Variants in SGMS1 observed in about 807,000 individuals in gnomAD.
The protein encoded by SGMS1 is phosphatidylcholine:ceramide cholinephosphotransferase 1.
In SGMS1, 13 loss-of-function variants were observed where a neutral mutation model predicts 46.2. The ratio of observed to expected loss-of-function variants is 0.28; its 90% CI spans 0.18 to 0.45. The LOEUF is 0.45. Ranked by LOEUF, SGMS1 falls within the 20% of genes least tolerant of loss-of-function variation. SGMS1 has a pLI of 1.00. For synonymous variants in SGMS1, 203 were observed against 187.8 expected (o/e 1.08, Z -0.66); for missense variants, 324 against 519.9 (o/e 0.62, Z 3.66).
intron 3 of SGMS1, among the ~76,000 whole-genome samples, chr10:50,485,815 A>T (rs1417571151): frequency 2.0e-5 from 3 of 152,078 alleles, no homozygotes; most frequent in Non-Finnish European, 1.5e-5. Context: ...CATGAGAATC[A>T]CTTGAGCCCA....
At position 50,341,409 on chromosome 10, in the gene SGMS1, C is replaced by T. The variant is rs370726766; in HGVS notation, c.623+2083G>A. On this transcript the variant is annotated intron_variant, in intron 7 of 10. Transcript: ENST00000361781. ...TGGACGATGCTTAGGAAGATCATGA[C>T]GACTCTGCTTTCATTTCCCACATCC... 7.2e-5 allele frequency: 33 copies of T among 456,018 alleles called. No homozygotes were observed. In the East Asian group the frequency reaches 1.3e-3, roughly 18 times the overall value. 28.2% of individuals were successfully genotyped at this position (456,018 alleles called of 1,614,324 possible). A position where few individuals can be genotyped will look rare whatever the true frequency, so the allele number is the denominator to read the frequency against.
intron 5 of SGMS1, among the ~76,000 whole-genome samples, chr10:50,448,600 C>T (rs576858337): frequency 3.1e-4 from 47 of 151,930 alleles, no homozygotes; most frequent in Admixed American, 5.9e-4. Context: ...TAAAATTAGC[C>T]GGGCGTGGTG....
At chr10:50,407,870 C>G (rs762403652) in intron 6 of SGMS1, among the ~76,000 whole-genome samples, 1 of 151,718 alleles carries the variant, frequency 6.6e-6, no homozygotes, top group East Asian at 1.9e-4. Flanking sequence ...ATGGATCCAG[C>G]GCCTTAATAT....
chr10:50,577,935 A>G (rs1339454155), intron 2 of SGMS1, among the ~76,000 whole-genome samples: 1 of 152,244 alleles, frequency 6.6e-6, no homozygotes, highest in Non-Finnish European at 1.5e-5. Context: ...AGAAATGACC[A>G]TGTTGGTTAC....
chr10:50,523,688 A>T (rs1171957514), intron 2 of SGMS1, among the ~76,000 whole-genome samples: 1 of 152,260 alleles, frequency 6.6e-6, no homozygotes, highest in Non-Finnish European at 1.5e-5. Flanking sequence ...GTGTATTTCC[A>T]TGTCTACTTA....
At chr10:50,413,229 CA>C (rs1849125845) in intron 6 of SGMS1, among the ~76,000 whole-genome samples, 1 of 152,126 alleles carries the variant, frequency 6.6e-6, no homozygotes, top group Admixed American at 6.5e-5. Flanking sequence ...AAACTTGCCC[CA>C]AATCACACAG....
chr10:50,331,145 T>G (rs1030989873), intron 7 of SGMS1, among the ~76,000 whole-genome samples: 1 of 152,176 alleles, frequency 6.6e-6, no homozygotes, highest in African/African-American at 2.4e-5. Context: ...ACCACACTAC[T>G]AAAAAACAAA....
At chr10:50,564,879 T>C (rs544801552) in intron 2 of SGMS1, among the ~76,000 whole-genome samples, 8 of 152,218 alleles carry the variant, frequency 5.3e-5, no homozygotes, top group African/African-American at 1.9e-4. Context: ...CATCAGATTA[T>C]TTAAAAGGGC....
At chr10:50,309,022 A>G (rs370861491) in intron 9 of SGMS1, among the ~76,000 whole-genome samples, 1 of 152,356 alleles carries the variant, frequency 6.6e-6, no homozygotes, top group East Asian at 1.9e-4. Flanking sequence ...AAAGGCAAGG[A>G]GGCTGCCTTT....
chr10:50,622,969 GGA>G (rs757822168), intron 1 of SGMS1, among the ~76,000 whole-genome samples: 2 of 152,206 alleles, frequency 1.3e-5, no homozygotes, highest in African/African-American at 4.8e-5. Flanking sequence ...GCGGCGTCCT[GGA>G]GAGACTGTCC....
In SGMS1 at chr10:50,344,070, C is replaced by T; in HGVS notation, c.45G>A (p.Trp15Ter). The change falls in exon 7 of 11, where the codon TGG becomes TGA. Residue 15 changes from tryptophan (W) to a stop codon, truncating the protein, a stop_gained. Transcript: ENST00000361781. LOFTEE classifies it high-confidence loss of function. ...VYWSPKKVAD[W>*]LLENAMPEYC... ...ATTCTGGCATAGCATTCTCCAGCAG[C>T]CAGTCTGCCACCTTCTTGGGTGACC... 6.2e-7 allele frequency: 1 copy of T among 1,613,944 alleles called. No individual in the cohort carries two copies. The highest frequency in any genetic ancestry group is 8.5e-7 in the Non-Finnish European group (1 of 1,179,932).
At chr10:50,344,603 C>T (rs565797296) in intron 6 of SGMS1, among the ~76,000 whole-genome samples, 47 of 152,322 alleles carry the variant, frequency 3.1e-4, no homozygotes, top group African/African-American at 1.1e-3. Flanking sequence ...GGCGTGGTGG[C>T]TCACGCCTGT....
At chr10:50,501,713 G>A (rs961120984) in intron 3 of SGMS1, among the ~76,000 whole-genome samples, 9 of 152,132 alleles carry the variant, frequency 5.9e-5, no homozygotes, top group African/African-American at 9.7e-5. Context: ...CTGATAGGGC[G>A]TTCTGTCCTA....
At chr10:50,569,119 A>G (rs1418344124) in intron 2 of SGMS1, among the ~76,000 whole-genome samples, 2 of 148,242 alleles carry the variant, frequency 1.3e-5, no homozygotes, top group East Asian at 4.2e-4. Flanking sequence ...ACATGGTCAC[A>G]GGGAGGGGAA....
chr10:50,320,723 C>T lies in SGMS1; in HGVS notation c.741+6482G>A, dbSNP rs142128725. 7.6e-4 allele frequency among the ~76,000 whole-genome samples: 116 copies of T among 152,338 alleles called. 1 individual carries two copies. The East Asian group carries it at 0.017, about 22-fold the overall frequency. Reference sequence around the variant, plus strand: ...TCTAACTTGACCTTATTCCCCAATTCCCTTCCATACCCGTTGTTTCCTCCA... The same window carrying T: ...TCTAACTTGACCTTATTCCCCAATTTCCTTCCATACCCGTTGTTTCCTCCA... On this transcript the variant is annotated intron_variant, in intron 8 of 10. Coordinates refer to ENST00000361781, the MANE Select transcript of SGMS1 (RefSeq NM_147156.4).
rs189342090 is a variant in SGMS1 at position 50,412,414 on chromosome 10, T to C, written c.-232+21062A>G. Among the ~76,000 whole-genome samples, 146 of 152,274 alleles carry C rather than the reference T, an allele frequency of 9.6e-4. 5 individuals are homozygous for C. The highest frequency in any genetic ancestry group is 8.5e-3 in the Admixed American group (130 of 15,296). The stretch of plus-strand genomic sequence containing the variant: ...CTTTATAAGGTAGACAACAGACGGA[T>C]TGTGAATACTCTGAAATCTTCCCAT... On this transcript the variant is annotated intron_variant, in intron 6 of 10. Coordinates refer to ENST00000361781, the MANE Select transcript of SGMS1 (RefSeq NM_147156.4).
chr10:50,590,918 T>C (rs942803192), intron 1 of SGMS1, among the ~76,000 whole-genome samples: 1 of 152,128 alleles, frequency 6.6e-6, no homozygotes, highest in Non-Finnish European at 1.5e-5. Context: ...GGAGCTTCAA[T>C]GACTTGAGAT....
intron 5 of SGMS1, among the ~76,000 whole-genome samples, chr10:50,450,937 G>A (rs973979432): frequency 1.3e-4 from 20 of 151,610 alleles, no homozygotes; most frequent in African/African-American, 3.4e-4. Context: ...AAAACTCTAG[G>A]AGAATTTATA....
chr10:50,553,688 A>T (rs1047742355), intron 2 of SGMS1, among the ~76,000 whole-genome samples: 3 of 152,148 alleles, frequency 2.0e-5, no homozygotes, highest in African/African-American at 7.2e-5. Context: ...GACTCAATAA[A>T]CTATGACAGC....
Sources: allele counts gnomAD v4.1 joint callset (sites outside exome capture counted in the v4.1 genomes callset), GRCh38; gene constraint gnomAD v4.1.1; transcripts MANE v1.5; gene names NCBI Gene and HGNC (gene_info 2026-07-23, HGNC 2026-07-21).